Variants in ATF6 observed in about 807,000 individuals in gnomAD.
The protein encoded by ATF6 is activating transcription factor 6.
Under a neutral mutation model 83.6 loss-of-function variants are expected in ATF6, and 53 were observed. That is an observed-to-expected ratio of 0.63 (90% CI 0.51 to 0.80). The LOEUF (loss-of-function observed/expected upper bound fraction) is 0.80, where lower values mean the gene tolerates loss of function less well. Among genes scored for constraint, ATF6 ranks in the 30% least tolerant of loss-of-function variants. The pLI, the probability that ATF6 is intolerant of heterozygous loss-of-function variation, is 0.00. For missense variants in ATF6, 744 were observed against 797.9 expected (o/e 0.93, Z 0.81); for synonymous variants, 288 against 285.8 (o/e 1.01, Z -0.08).
At chr1:161,863,352 T>C in intron 14 of ATF6, 40 bp downstream of exon 14, 1 of 1,323,060 alleles carries the variant, frequency 7.6e-7, no homozygotes, top group South Asian at 1.2e-5. Flanking sequence ...TATTTTTGAG[T>C]GCTTGCCGTA....
intron 4 of ATF6, 146 bp downstream of exon 4, chr1:161,784,242 C>T (rs1684698477): frequency 9.9e-6 from 6 of 606,460 alleles, no homozygotes; most frequent in Non-Finnish European, 1.7e-5. Flanking sequence ...AAGAAAGAGC[C>T]TTGTGGGAGC....
chr1:161,812,806 G>GTA (rs1685508786), intron 7 of ATF6, among the ~76,000 whole-genome samples: 1 of 151,924 alleles, frequency 6.6e-6, no homozygotes, highest in Non-Finnish European at 1.5e-5. Flanking sequence ...GTGTGTGTGT[G>GTA]TGTGTGTGTG....
intron 6 of ATF6, among the ~76,000 whole-genome samples, chr1:161,797,167 C>T (rs762131816): frequency 1.3e-5 from 2 of 152,156 alleles, no homozygotes; most frequent in Non-Finnish European, 2.9e-5. Context: ...AAGGAACATA[C>T]CTCAAAATAA....
intron 12 of ATF6, among the ~76,000 whole-genome samples, chr1:161,856,966 C>T (rs1314781958): frequency 1.3e-5 from 2 of 152,084 alleles, no homozygotes; most frequent in African/African-American, 4.8e-5. Flanking sequence ...CTTAGATATG[C>T]TCAGAAATGT....
intron 7 of ATF6, among the ~76,000 whole-genome samples, chr1:161,812,366 ATTTTCTTTTTTT>A (rs1557973528): frequency 3.2e-4 from 12 of 37,530 alleles, no homozygotes; most frequent in African/African-American, 1.0e-3. Context: ...GGGAGCAGGT[ATTTTCTTTTTTT>A]TTTTTTTTTT....
intron 14 of ATF6, among the ~76,000 whole-genome samples, chr1:161,877,294 A>G (rs1687235719): frequency 6.6e-6 from 1 of 152,170 alleles, no homozygotes; most frequent in African/African-American, 2.4e-5. Context: ...TGCTAACCAG[A>G]TAAATTAGCA....
In ATF6 at chr1:161,910,602, G is replaced by A. The variant is rs1260732522; in HGVS notation, c.1720-1694G>A. Among the ~76,000 whole-genome samples, 6 of 152,218 alleles carry A rather than the reference G, an allele frequency of 3.9e-5. No homozygotes were observed. The East Asian group carries it at 1.2e-3, about 29-fold the overall frequency. ...GCCTGACCTTAACCCATGACCAGTGGAATCTAAGTTTGTTTATTTTTACAA... is the reference window on the plus strand; with the variant it reads ...GCCTGACCTTAACCCATGACCAGTGAAATCTAAGTTTGTTTATTTTTACAA... On this transcript the variant is annotated intron_variant, in intron 14 of 15. Coordinates refer to ENST00000367942, the MANE Select transcript of ATF6 (RefSeq NM_007348.4).
At chr1:161,841,216 T>C (rs16852977) in intron 9 of ATF6, among the ~76,000 whole-genome samples, 1,983 of 152,320 alleles carry the variant, frequency 0.013, 48 homozygotes, top group African/African-American at 0.044. Context: ...GATGTCACAG[T>C]CGTACTAAAA....
intron 5 of ATF6, 68 bp downstream of exon 5, chr1:161,791,605 G>T: frequency 6.7e-7 from 1 of 1,485,282 alleles, no homozygotes. Flanking sequence ...TTTCTTAAAA[G>T]AAAATGCTGG....
intron 14 of ATF6, among the ~76,000 whole-genome samples, chr1:161,900,339 G>A (rs1030923777): frequency 1.3e-5 from 2 of 152,010 alleles, no homozygotes; most frequent in African/African-American, 4.8e-5. Context: ...GACGACGTGA[G>A]GAATAGTACT....
intron 11 of ATF6, 29 bp downstream of exon 11, chr1:161,851,864 T>C (rs1209784441): frequency 6.5e-7 from 1 of 1,539,850 alleles, no homozygotes; most frequent in Non-Finnish European, 9.0e-7. Context: ...TGCAGAAACA[T>C]CTGAGTTGGT....
chr1:161,772,080 A>G (rs931364876), intron 1 of ATF6, among the ~76,000 whole-genome samples: 3 of 152,160 alleles, frequency 2.0e-5, no homozygotes, highest in African/African-American at 4.8e-5. Flanking sequence ...TCCAGTTTCA[A>G]TAGTTGTTCA....
Position 161,774,806 on chromosome 1 carries a change from T to C in ATF6, c.83-3438T>C, listed in dbSNP as rs564653371. On this transcript the variant is annotated intron_variant, in intron 1 of 15. Transcript: ENST00000367942. ...TCAATAATGATTTGCTTTTCTAGTC[T>C]AGGATTTTACTTGCAAACACTCATT... Among the ~76,000 whole-genome samples the C allele has an allele frequency of 2.6e-5, 4 of 152,320 alleles. No individual in the cohort carries two copies. The South Asian group carries it at 6.2e-4, about 24-fold the overall frequency.
At chr1:161,877,278 A>G (rs182624837) in intron 14 of ATF6, among the ~76,000 whole-genome samples, 1 of 152,158 alleles carries the variant, frequency 6.6e-6, no homozygotes, top group African/African-American at 2.4e-5. Context: ...CTTATAGTTT[A>G]GTTGGTGCTA....
chr1:161,922,744 G>A (rs189610331), intron 15 of ATF6, among the ~76,000 whole-genome samples: 8 of 152,072 alleles, frequency 5.3e-5, no homozygotes, highest in Admixed American at 3.3e-4. Context: ...GAATGTGTTC[G>A]TTTTAGGATT....
At chr1:161,945,428 G>A (rs1457087433) in intron 15 of ATF6, among the ~76,000 whole-genome samples, 1 of 152,042 alleles carries the variant, frequency 6.6e-6, no homozygotes, top group Admixed American at 6.5e-5. Context: ...TAATTTCTTT[G>A]TTTGGACAGA....
At chr1:161,873,418 G>A (rs1687154232) in intron 14 of ATF6, among the ~76,000 whole-genome samples, 1 of 151,390 alleles carries the variant, frequency 6.6e-6, no homozygotes, top group Non-Finnish European at 1.5e-5. Flanking sequence ...ATTATAATTA[G>A]GAAAAATTGA....
At chr1:161,789,482 A>G (rs959588107) in intron 4 of ATF6, among the ~76,000 whole-genome samples, 5 of 152,014 alleles carry the variant, frequency 3.3e-5, no homozygotes, top group African/African-American at 1.2e-4. Context: ...TATTAATACA[A>G]TATTTTCAAG....
intron 1 of ATF6, among the ~76,000 whole-genome samples, chr1:161,771,877 G>A (rs1265780484): frequency 1.3e-5 from 2 of 152,150 alleles, no homozygotes; most frequent in African/African-American, 4.8e-5. Context: ...TATCCTTAGA[G>A]AAGATCCTTC....
Sources: gnomAD v4.1 joint callset for allele counts (sites outside exome capture counted in the v4.1 genomes callset) on GRCh38, gnomAD v4.1.1 for gene constraint, MANE v1.5 for transcripts, NCBI Gene and HGNC (gene_info 2026-07-23, HGNC 2026-07-21) for gene names.